The following GPKOW variants were observed in gnomAD, a reference collection of about 807,000 sequenced individuals.
GPKOW encodes G-patch domain and KOW motifs.
For synonymous variants in GPKOW, 167 were observed against 159.1 expected, an observed-to-expected ratio of 1.05 and a Z score of -0.37; for missense variants, 359 against 404.7, an observed-to-expected ratio of 0.89 and a Z score of 0.97.
In GPKOW at chrX:49,118,869, T is replaced by C. The variant is rs1259405102; in HGVS notation, c.566+836A>G. On this transcript the variant is annotated intron_variant, in intron 4 of 10. Transcript: ENST00000156109. The stretch of plus-strand genomic sequence containing the variant: ...GTGAAGAAAGGGTTGCAAGTCTGCA[T>C]GACAATAGCAAATGTTTAGTCTACG... Among the ~76,000 whole-genome samples, 5 of 109,343 alleles carry C rather than the reference T, an allele frequency of 4.6e-5. No homozygotes were observed. The Admixed American group carries it at 5.0e-4, about 11-fold the overall frequency. 95.0% of individuals were successfully genotyped at this position (109,343 alleles called of 115,157 possible). A position where few individuals can be genotyped will look rare whatever the true frequency, so the allele number is the denominator to read the frequency against.
In GPKOW at chrX:49,113,764, G is replaced by C. The variant is rs372586037; in HGVS notation, c.1297-9C>G. 11 of 1,206,466 alleles carry C rather than the reference G, an allele frequency of 9.1e-6. No individual in the cohort carries two copies. In the African/African-American group the frequency reaches 1.6e-4, roughly 17 times the overall value. Reference sequence around the variant, plus strand: ...CTCAGCAAATGTCCCACCTGGAACAGAGGTGAAGTGGAATCAGCAAGGCAA... The same window carrying C: ...CTCAGCAAATGTCCCACCTGGAACACAGGTGAAGTGGAATCAGCAAGGCAA... On this transcript the variant is annotated splice_polypyrimidine_tract_variant and intron_variant, in intron 10 of 10. Coordinates refer to ENST00000156109, the MANE Select transcript of GPKOW (RefSeq NM_015698.6).
chrX:49,115,617 C>T, intron 9 of GPKOW, 109 bp downstream of exon 9: 2 of 575,923 alleles, frequency 3.5e-6, no homozygotes, highest in Non-Finnish European at 6.0e-6. Flanking sequence ...GGATGCTAGG[C>T]CTTGCAAAAT....
rs149060491 is a variant in GPKOW at position 49,113,759 on chromosome X, G to A, written c.1297-4C>T. ...CCCGGCTCAGCAAATGTCCCACCTGGAACAGAGGTGAAGTGGAATCAGCAA... is the reference window on the plus strand; with the variant it reads ...CCCGGCTCAGCAAATGTCCCACCTGAAACAGAGGTGAAGTGGAATCAGCAA... On this transcript the variant is annotated splice_polypyrimidine_tract_variant and splice_region_variant and intron_variant, in intron 10 of 10. Transcript: ENST00000156109. 35,404 of 1,205,585 alleles carry A rather than the reference G, an allele frequency of 0.029. 432 individuals are homozygous for A. The highest frequency in any genetic ancestry group is 0.035 in the Non-Finnish European group (31,329 of 892,859).
chrX:49,123,295 A>C (rs2065219974), intron 1 of GPKOW, among the ~76,000 whole-genome samples: 1 of 111,563 alleles, frequency 9.0e-6, no homozygotes, highest in African/African-American at 3.3e-5. Flanking sequence ...CAGAACGCAC[A>C]GACCTTAGTG....
intron 9 of GPKOW, 91 bp from the exon 10 acceptor site, chrX:49,114,029 G>A: frequency 1.7e-6 from 1 of 600,984 alleles, no homozygotes; most frequent in Non-Finnish European, 2.8e-6. Flanking sequence ...CAGGCGTGGT[G>A]GCTCACACCT....
At chrX:49,117,408 G>A (rs782147331) in intron 5 of GPKOW, among the ~76,000 whole-genome samples, 189 bp downstream of exon 5, 18 of 111,630 alleles carry the variant, frequency 1.6e-4, no homozygotes, top group Non-Finnish European at 2.6e-4. Context: ...CTTCCTTTTA[G>A]CTGGGAACTG....
chrX:49,122,911 C>A, intron 1 of GPKOW, 135 bp from the exon 2 acceptor site: 1 of 501,795 alleles, frequency 2.0e-6, no homozygotes, highest in Non-Finnish European at 3.4e-6. Context: ...ATGTCTGGAT[C>A]TCCTGTTCCT....
chrX:49,119,593 G>A (rs2065206414), intron 4 of GPKOW, 112 bp downstream of exon 4: 4 of 452,616 alleles, frequency 8.8e-6, no homozygotes, highest in African/African-American at 4.9e-5. Context: ...TAGTTAGGGC[G>A]ATAATGTATC....
Position 49,117,679 on chromosome X carries a change from T to A in GPKOW, c.698A>T (p.Asp233Val), listed in dbSNP as rs1557090456. 8.3e-7 allele frequency: 1 copy of A among 1,210,061 alleles called. No homozygotes were observed. Among genetic ancestry groups the A allele is most frequent in the East Asian group, 3.0e-5 (1 of 33,814 alleles). ...MPRPDEEQEK[D>V]KEDQPQGLVP... Reference sequence around the variant, plus strand: ...CAGCCCTTGAGGCTGATCTTCCTTATCTTTCTCTTGCTCCTCATCTGGTCT... The same window carrying A: ...CAGCCCTTGAGGCTGATCTTCCTTAACTTTCTCTTGCTCCTCATCTGGTCT... Residue 233 changes from aspartate to valine, a missense_variant, in exon 5 of 11, where the codon GAT (aspartate) becomes GTT (valine). Transcript: ENST00000156109.
chrX:49,123,734 T>C lies in GPKOW; in HGVS notation c.-12A>G. Reference sequence around the variant, plus strand: ...TTGGAGTCAGCCATCTTGCTCCTTTTCCCAGGCCGGCGCGCTGCTTGCTGG... The same window carrying C: ...TTGGAGTCAGCCATCTTGCTCCTTTCCCCAGGCCGGCGCGCTGCTTGCTGG... On this transcript the variant is annotated 5_prime_UTR_variant, in exon 1 of 11. Transcript: ENST00000156109. The C allele has an allele frequency of 1.7e-6, 2 of 1,190,251 alleles. No homozygotes were observed. The highest frequency in any genetic ancestry group is 2.3e-6 in the Non-Finnish European group (2 of 884,744).
At position 49,122,650 on chromosome X, in the gene GPKOW, C is replaced by T. The variant is rs781984608; in HGVS notation, c.303G>A (p.Val101=). 1 of 1,211,622 alleles carries T rather than the reference C, an allele frequency of 8.3e-7. No homozygotes were observed. ...CAATGAGCTCCTTCACAGCCTGGGA[C>T]ACCACCCCATCCGCCAAGGCCCCAG... ...TDTGALADGV[V]SQAVKELIAE... is the part of the protein sequence containing the mutation. The change falls in exon 2 of 11, where the codon GTG becomes GTA. Residue 101 remains valine, a synonymous_variant. Coordinates refer to ENST00000156109, the MANE Select transcript of GPKOW (RefSeq NM_015698.6).
At chrX:49,116,600 G>C (rs1319247907) in intron 6 of GPKOW, among the ~76,000 whole-genome samples, 1 of 111,385 alleles carries the variant, frequency 9.0e-6, no homozygotes, top group Non-Finnish European at 1.9e-5. Context: ...GATTCCCAGA[G>C]AGCTCTGTCT....
intron 10 of GPKOW, 41 bp downstream of exon 10, chrX:49,113,812 T>C: frequency 8.3e-7 from 1 of 1,202,730 alleles, no homozygotes; most frequent in Middle Eastern, 2.3e-4. Flanking sequence ...GGACAGGCCC[T>C]GAACGACCCA....
intron 3 of GPKOW, among the ~76,000 whole-genome samples, chrX:49,120,082 G>A (rs2065208502): frequency 8.9e-6 from 1 of 112,077 alleles, no homozygotes; most frequent in Non-Finnish European, 1.9e-5. Flanking sequence ...CCCTACCCCT[G>A]CAGAGCTTCT....
intron 6 of GPKOW, 124 bp downstream of exon 6, chrX:49,116,906 T>G (rs782396755): frequency 1.5e-5 from 8 of 532,371 alleles, no homozygotes; most frequent in Non-Finnish European, 2.5e-5. Flanking sequence ...TGATTGGAAG[T>G]CATATCTGCC....
chrX:49,122,663 G>A lies in GPKOW; in HGVS notation c.290C>T (p.Ala97Val), dbSNP rs782802093. 1.6e-5 allele frequency: 19 copies of A among 1,210,948 alleles called. 1 individual carries two copies. Among genetic ancestry groups the A allele is most frequent in the Admixed American group, 1.1e-4 (5 of 46,030 alleles). ...CACAGCCTGGGACACCACCCCATCC[G>A]CCAAGGCCCCAGTATCTGTGGATGG... ...PGPSTDTGALADGVVSQAVKE... is the reference protein window; with the variant it reads ...PGPSTDTGALVDGVVSQAVKE... Residue 97 changes from alanine (A) to valine (V), a missense_variant, in exon 2 of 11, where the codon GCG becomes GTG. Ala to Val is a moderately conservative substitution (Grantham distance 64). Coordinates refer to ENST00000156109, the MANE Select transcript of GPKOW (RefSeq NM_015698.6).
At position 49,122,478 on chromosome X, in the gene GPKOW, G is replaced by A. The variant is rs2065216793; in HGVS notation, c.376C>T (p.Pro126Ser). ...TGGATCATGGGGATAGCGAGCGTGG[G>A]GTCGACACCCGCATTCTCTCTCTCT... Reference protein sequence around the residue: ...LEERENAGVDPTLAIPMIQKG... With the variant: ...LEERENAGVDSTLAIPMIQKG... The change falls in exon 3 of 11, where the codon CCC becomes TCC. Residue 126 changes from proline to serine, a missense_variant. Transcript: ENST00000156109. The A allele has an allele frequency of 8.3e-7, 1 of 1,201,566 alleles. No individual in the cohort carries two copies. The highest frequency in any genetic ancestry group is 1.1e-6 in the Non-Finnish European group (1 of 891,127).
chrX:49,114,876 G>GAT (rs2065186248), intron 9 of GPKOW, among the ~76,000 whole-genome samples: 1 of 84,264 alleles, frequency 1.2e-5, no homozygotes, highest in Non-Finnish European at 2.1e-5. Context: ...AGTGAGCCAA[G>GAT]ATTGCGTCAC....
chrX:49,123,670 G>A lies in GPKOW; in HGVS notation c.53C>T (p.Pro18Leu). The A allele has an allele frequency of 8.3e-7, 1 of 1,209,380 alleles. No homozygotes were observed. Among genetic ancestry groups the A allele is most frequent in the Non-Finnish European group, 1.1e-6 (1 of 894,118 alleles). Residue 18 changes from proline (P) to leucine (L), a missense_variant, in exon 1 of 11, where the codon CCA becomes CTA. Transcript: ENST00000156109. ...CGTGCGAGTGAAGCCGAATGAAATT[G>A]GGGCAGTGGAAGCAGCCGTCAGCGG... Reference protein sequence around the residue: ...VLPLTAASTAPISFGFTRTSA... With the variant: ...VLPLTAASTALISFGFTRTSA...
Sources: gnomAD v4.1 joint callset for allele counts (sites outside exome capture counted in the v4.1 genomes callset) on GRCh38, gnomAD v4.1.1 for gene constraint, MANE v1.5 for transcripts, NCBI Gene and HGNC (gene_info 2026-07-23, HGNC 2026-07-21) for gene names.